GRIK4: variants seen among roughly 807,000 people sequenced by gnomAD.
GRIK4 encodes the protein glutamate ionotropic receptor kainate type subunit 4.
A neutral mutation model predicts 104.9 loss-of-function variants in GRIK4; 40 were observed. The observed-to-expected ratio is 0.38, with a 90% CI of 0.30 to 0.50. GRIK4 has a LOEUF of 0.50. GRIK4 is among the 20% of genes least tolerant of loss of function. The pLI, the probability that GRIK4 is intolerant of heterozygous loss-of-function variation, is 0.93. For synonymous variants in GRIK4, 485 were observed against 524.9 expected (o/e 0.92, Z 1.04); for missense variants, 1,047 against 1,308.1 (o/e 0.80, Z 3.08).
intron 1 of GRIK4, among the ~76,000 whole-genome samples, chr11:120,637,297 A>C (rs989902472): frequency 3.3e-5 from 5 of 152,144 alleles, no homozygotes; most frequent in African/African-American, 1.2e-4. Flanking sequence ...CAGTGGAAGC[A>C]GGAACATGAG....
chr11:120,520,719 T>C (rs1454607178), intron 1 of GRIK4, among the ~76,000 whole-genome samples: 1 of 152,206 alleles, frequency 6.6e-6, no homozygotes, highest in Non-Finnish European at 1.5e-5. Flanking sequence ...AGGAGTGGAA[T>C]CTGACTGGGG....
chr11:120,529,122 TAACCCCC>T lies in GRIK4; in HGVS notation c.-159+17236_-159+17242del, dbSNP rs1242059089. 2.9e-3 allele frequency among the ~76,000 whole-genome samples: 435 copies of T among 151,970 alleles called. 1 individual carries two copies. The highest frequency in any genetic ancestry group is 0.01 in the African/African-American group (414 of 41,302). On this transcript the variant is annotated intron_variant, in intron 1 of 20. Coordinates refer to ENST00000527524, the MANE Select transcript of GRIK4 (RefSeq NM_014619.5). ...TTCCTGACGCCTCCCTGAGCCTGCATAACCCCCCACCCCGACCCTCATGTGCTCTTGC... is the reference window on the plus strand; with the variant it reads ...TTCCTGACGCCTCCCTGAGCCTGCATCACCCCGACCCTCATGTGCTCTTGC...
intron 1 of GRIK4, among the ~76,000 whole-genome samples, chr11:120,517,492 G>A (rs1332053434): frequency 1.3e-5 from 2 of 148,672 alleles, no homozygotes; most frequent in African/African-American, 2.5e-5. Context: ...CGGTGCCCCC[G>A]CCTGTGCACC....
chr11:120,669,495 T>C (rs1321712128), intron 3 of GRIK4, among the ~76,000 whole-genome samples: 1 of 152,126 alleles, frequency 6.6e-6, no homozygotes, highest in East Asian at 1.9e-4. Context: ...CTATTTCCTC[T>C]CCTCTCTCTC....
In GRIK4 at chr11:120,735,794, C is replaced by A. The variant is rs146920312; in HGVS notation, c.83-66899C>A. Among the ~76,000 whole-genome samples the A allele has an allele frequency of 4.3e-3, 656 of 152,280 alleles. 6 individuals carry two copies. Among genetic ancestry groups the A allele is most frequent in the African/African-American group, 0.015 (611 of 41,554 alleles). Reference sequence around the variant, plus strand: ...CCTCTCCTTTCCACAGGCAGAGGAGCCTTTCCTCATGGCCTCCACCACCAC... The same window carrying A: ...CCTCTCCTTTCCACAGGCAGAGGAGACTTTCCTCATGGCCTCCACCACCAC... On this transcript the variant is annotated intron_variant, in intron 3 of 20. Coordinates refer to ENST00000527524, the MANE Select transcript of GRIK4 (RefSeq NM_014619.5).
chr11:120,630,051 G>A (rs992613861), intron 1 of GRIK4, among the ~76,000 whole-genome samples: 1 of 152,192 alleles, frequency 6.6e-6, no homozygotes, highest in Non-Finnish European at 1.5e-5. Context: ...CTCAGGAGGC[G>A]TCCCTTCCCA....
intron 3 of GRIK4, among the ~76,000 whole-genome samples, chr11:120,721,820 G>A (rs916031981): frequency 2.6e-5 from 4 of 152,100 alleles, no homozygotes; most frequent in Non-Finnish European, 5.9e-5. Context: ...AGTCTCTCCC[G>A]GGTCAGCAAG....
chr11:120,948,467 G>A (rs1339092878), intron 14 of GRIK4, among the ~76,000 whole-genome samples: 1 of 152,190 alleles, frequency 6.6e-6, no homozygotes, highest in Non-Finnish European at 1.5e-5. Context: ...ACGTCTTTGG[G>A]TAGGCTGAGG....
At chr11:120,724,592 C>T (rs907502118) in intron 3 of GRIK4, among the ~76,000 whole-genome samples, 1 of 152,224 alleles carries the variant, frequency 6.6e-6, no homozygotes, top group Non-Finnish European at 1.5e-5. Context: ...ACAATGAAGG[C>T]ATTTCCTGCT....
At chr11:120,889,007 A>T (rs1373738222) in intron 11 of GRIK4, among the ~76,000 whole-genome samples, 2 of 151,996 alleles carry the variant, frequency 1.3e-5, no homozygotes, top group African/African-American at 4.8e-5. Context: ...CTTTCTTTTG[A>T]TCCTGAATTT....
chr11:120,590,106 A>C (rs1277503100), intron 1 of GRIK4, among the ~76,000 whole-genome samples: 1 of 152,124 alleles, frequency 6.6e-6, no homozygotes, highest in Non-Finnish European at 1.5e-5. Flanking sequence ...TTCATCCATG[A>C]AGGATTCCTT....
At chr11:120,772,645 G>A (rs563189117) in intron 3 of GRIK4, among the ~76,000 whole-genome samples, 6,905 of 151,820 alleles carry the variant, frequency 0.045, 250 homozygotes, top group Middle Eastern at 0.058. Context: ...GTATGTGCGC[G>A]CGTGTGTGTG....
At chr11:120,732,200 T>C (rs917015255) in intron 3 of GRIK4, among the ~76,000 whole-genome samples, 1 of 152,172 alleles carries the variant, frequency 6.6e-6, no homozygotes, top group African/African-American at 2.4e-5. Context: ...GGTGCATTCT[T>C]GGTTCACTGC....
At chr11:120,916,439 G>T (rs997474114) in intron 13 of GRIK4, among the ~76,000 whole-genome samples, 1 of 152,248 alleles carries the variant, frequency 6.6e-6, no homozygotes, top group Admixed American at 6.5e-5. Context: ...CCTAGTGGAA[G>T]TAAGACTGGC....
At chr11:120,787,543 C>T (rs1952306836) in intron 3 of GRIK4, among the ~76,000 whole-genome samples, 1 of 151,652 alleles carries the variant, frequency 6.6e-6, no homozygotes, top group African/African-American at 2.4e-5. Context: ...CGGCTCGCTG[C>T]AACCTCTGCC....
rs189356199 is a variant in GRIK4 at position 120,613,906 on chromosome 11, C to T, written c.-158-39779C>T. On this transcript the variant is annotated intron_variant, in intron 1 of 20. Coordinates refer to ENST00000527524, the MANE Select transcript of GRIK4 (RefSeq NM_014619.5). ...GCAAAGTTGCCAGCCCTACTATAGC[C>T]TAGAAAAGAGGAATCTGTGAACTCA... 3.1e-3 allele frequency among the ~76,000 whole-genome samples: 469 copies of T among 152,258 alleles called. 6 individuals are homozygous for T. The highest frequency in any genetic ancestry group is 2.9e-3 in the East Asian group (15 of 5,178).
At chr11:120,541,888 T>G (rs1948040862) in intron 1 of GRIK4, among the ~76,000 whole-genome samples, 1 of 152,112 alleles carries the variant, frequency 6.6e-6, no homozygotes, top group South Asian at 2.1e-4. Context: ...TCTATACTAC[T>G]CAAAGTGATT....
intron 19 of GRIK4, among the ~76,000 whole-genome samples, chr11:120,975,555 G>A (rs962503866): frequency 1.3e-5 from 2 of 152,174 alleles, no homozygotes; most frequent in African/African-American, 2.4e-5. Flanking sequence ...GCTCACTGTT[G>A]TCTGGAAACT....
At chr11:120,813,045 G>C (rs998998780) in intron 4 of GRIK4, among the ~76,000 whole-genome samples, 1 of 152,204 alleles carries the variant, frequency 6.6e-6, no homozygotes, top group South Asian at 2.1e-4. Context: ...GGATGAGAAT[G>C]GATAACAGGT....
Sources: allele counts gnomAD v4.1 joint callset (sites outside exome capture counted in the v4.1 genomes callset), GRCh38; gene constraint gnomAD v4.1.1; transcripts MANE v1.5; gene names NCBI Gene and HGNC (gene_info 2026-07-23, HGNC 2026-07-21).